Variants in COG3 observed in about 807,000 individuals in gnomAD.
The protein encoded by COG3 is component of oligomeric golgi complex 3, also known as conserved oligomeric Golgi complex subunit 3.
In COG3, 32 loss-of-function variants were observed where a neutral mutation model predicts 114.1. The ratio of observed to expected loss-of-function variants is 0.28; its 90% CI spans 0.21 to 0.38. The LOEUF (loss-of-function observed/expected upper bound fraction) is 0.38, where lower values mean the gene tolerates loss of function less well. Ranked by LOEUF, COG3 falls within the 10% of genes least tolerant of loss-of-function variation. COG3 has a pLI of 1.00. For synonymous variants in COG3, 352 were observed against 365.7 expected (o/e 0.96, Z 0.43); for missense variants, 813 against 973.2 (o/e 0.84, Z 2.19).
At chr13:45,527,191 G>A (rs765617299) in intron 20 of COG3, among the ~76,000 whole-genome samples, 7 of 152,186 alleles carry the variant, frequency 4.6e-5, no homozygotes, top group Non-Finnish European at 5.9e-5. Context: ...AGGATTCAAA[G>A]TGTTAGATGT....
intron 14 of COG3, among the ~76,000 whole-genome samples, chr13:45,504,665 G>T (rs923372287): frequency 1.3e-5 from 2 of 152,158 alleles, no homozygotes; most frequent in Admixed American, 1.3e-4. Context: ...GTTTGAATCA[G>T]TAGAATTTGA....
intron 16 of COG3, among the ~76,000 whole-genome samples, chr13:45,514,239 C>T (rs1024147675): frequency 7.1e-6 from 1 of 141,374 alleles, no homozygotes; most frequent in Non-Finnish European, 1.5e-5. Context: ...CAGCTCACTG[C>T]AACCTCCACC....
At chr13:45,502,912 T>C (rs2137859408) in intron 13 of COG3, among the ~76,000 whole-genome samples, 1 of 152,298 alleles carries the variant, frequency 6.6e-6, no homozygotes, top group Non-Finnish European at 1.5e-5. Flanking sequence ...TGCAAATTAG[T>C]GGGATTTTCA....
At chr13:45,508,835 T>TG (rs1870535838) in intron 14 of COG3, among the ~76,000 whole-genome samples, 1 of 152,094 alleles carries the variant, frequency 6.6e-6, no homozygotes, top group African/African-American at 2.4e-5. Context: ...TTCCCAGTGG[T>TG]GGGGGGAAGC....
In COG3 at chr13:45,508,369, ATT is replaced by A. The variant is rs1310758419; in HGVS notation, c.1595-1318_1595-1317del. Among the ~76,000 whole-genome samples, 24 of 136,806 alleles carry A rather than the reference ATT, an allele frequency of 1.8e-4. No individual in the cohort carries two copies. In the South Asian group the frequency reaches 5.1e-3, roughly 29 times the overall value. 89.8% of individuals were successfully genotyped at this position (136,806 alleles called of 152,430 possible). ...ACTTGGATTCAAGACTTAACATTTT[ATT>A]TTTTATATATATTTTTATATATATA... is the stretch of plus-strand genomic sequence containing the variant. On this transcript the variant is annotated intron_variant, in intron 14 of 22. Coordinates refer to ENST00000349995, the MANE Select transcript of COG3 (RefSeq NM_031431.4).
At chr13:45,526,733 T>C (rs970464298) in intron 20 of COG3, among the ~76,000 whole-genome samples, 11 of 152,244 alleles carry the variant, frequency 7.2e-5, no homozygotes, top group African/African-American at 2.7e-4. Flanking sequence ...GACATCTTAC[T>C]ACAAAAGCAC....
At chr13:45,507,044 C>T (rs1232863956) in intron 14 of COG3, among the ~76,000 whole-genome samples, 1 of 152,150 alleles carries the variant, frequency 6.6e-6, no homozygotes, top group Non-Finnish European at 1.5e-5. Flanking sequence ...CTGCTCTGCT[C>T]CTCAGGAGTG....
At position 45,486,496 on chromosome 13, in the gene COG3, A is replaced by G. The variant is rs369950935; in HGVS notation, c.845A>G (p.Asp282Gly). The change falls in exon 8 of 23, where the codon GAT becomes GGT. Residue 282 changes from aspartate to glycine, a missense_variant and splice_region_variant. This residue lies in a region of COG3 where 424 missense variants were observed against 430.6 expected (regional missense o/e 0.98). Coordinates refer to ENST00000349995, the MANE Select transcript of COG3 (RefSeq NM_031431.4). ...QTLTSQLLKR[D>G]PSSVPNADNA... is the part of the protein sequence containing the mutation. The stretch of plus-strand genomic sequence containing the variant: ...TTATCCTCCCCCATGTTTCTTTAGG[A>G]TCCTTCATCTGTACCTAATGCAGAC... 8 of 1,591,574 alleles carry G rather than the reference A, an allele frequency of 5.0e-6. No individual in the cohort carries two copies. Among genetic ancestry groups the G allele is most frequent in the Middle Eastern group, 3.3e-4 (2 of 6,032 alleles).
chr13:45,492,888 G>A (rs537961257), intron 11 of COG3, among the ~76,000 whole-genome samples: 1 of 152,156 alleles, frequency 6.6e-6, no homozygotes, highest in South Asian at 2.1e-4. Context: ...AAAATACTTG[G>A]CGTATGACCA....
At chr13:45,522,720 T>G (rs1477365695) in intron 19 of COG3, among the ~76,000 whole-genome samples, 1 of 152,246 alleles carries the variant, frequency 6.6e-6, no homozygotes, top group African/African-American at 2.4e-5. Context: ...CCTGAGGGAA[T>G]GTAATGCTAT....
chr13:45,473,342 G>A (rs972136269), intron 1 of COG3, among the ~76,000 whole-genome samples: 13 of 152,054 alleles, frequency 8.5e-5, no homozygotes, highest in African/African-American at 4.8e-5. Context: ...TGGATTATTT[G>A]GCTTTTTGTT....
chr13:45,534,825 GAA>G lies in COG3; in HGVS notation c.*95_*96del. 3.5e-6 allele frequency: 5 copies of G among 1,439,796 alleles called. No homozygotes were observed. The highest frequency in any genetic ancestry group is 1.5e-5 in the South Asian group (1 of 65,846). The allele number at this position is 1,439,796 out of a possible 1,614,324, so 89.2% of individuals were successfully genotyped here. ...CAGGACACCGAGGAATCGTATGTGG[GAA>G]CGTCCCCGAGAACCACACGAGCGTG... On this transcript the variant is annotated 3_prime_UTR_variant, in exon 23 of 23. Coordinates refer to ENST00000349995, the MANE Select transcript of COG3 (RefSeq NM_031431.4).
Position 45,535,439 on chromosome 13 carries a change from T to C in COG3, c.*708T>C, listed in dbSNP as rs1363866868. ...ATTCTCATCATAGATACGTGCAGTA[T>C]CTTTAATGAGTATCTTCATGGTATG... is the stretch of plus-strand genomic sequence containing the variant. On this transcript the variant is annotated 3_prime_UTR_variant, in exon 23 of 23. Coordinates refer to ENST00000349995, the MANE Select transcript of COG3 (RefSeq NM_031431.4). 4 of 985,312 alleles carry C rather than the reference T, an allele frequency of 4.1e-6. No individual in the cohort carries two copies. The African/African-American group carries it at 7.0e-5, about 17-fold the overall frequency. 61.0% of individuals were successfully genotyped at this position (985,312 alleles called of 1,614,324 possible).
At chr13:45,519,368 G>A (rs1257018162) in intron 19 of COG3, among the ~76,000 whole-genome samples, 2 of 152,134 alleles carry the variant, frequency 1.3e-5, no homozygotes, top group East Asian at 1.9e-4. Context: ...CTGTTTATCC[G>A]CCTTGTAGGT....
intron 13 of COG3, among the ~76,000 whole-genome samples, chr13:45,500,928 C>G (rs901178640): frequency 2.6e-5 from 4 of 152,178 alleles, no homozygotes; most frequent in African/African-American, 9.6e-5. Context: ...GCTTTTTATA[C>G]AATGCCCCTT....
chr13:45,482,048 A>G (rs974881847), intron 5 of COG3, among the ~76,000 whole-genome samples: 1 of 152,132 alleles, frequency 6.6e-6, no homozygotes, highest in African/African-American at 2.4e-5. Flanking sequence ...AAAATTATGT[A>G]TATTGTATAC....
chr13:45,486,252 TAC>T (rs1337630941), intron 7 of COG3, among the ~76,000 whole-genome samples: 6 of 142,486 alleles, frequency 4.2e-5, no homozygotes, highest in African/African-American at 1.8e-4. Flanking sequence ...ATGGCAGCAG[TAC>T]AGTCCAGCTT....
At chr13:45,522,820 G>A (rs113924975) in intron 19 of COG3, among the ~76,000 whole-genome samples, 67 of 152,146 alleles carry the variant, frequency 4.4e-4, no homozygotes, top group African/African-American at 1.4e-3. Context: ...CTTTTTTATC[G>A]TTCTAGAATT....
At chr13:45,486,385 G>C in intron 7 of COG3, 110 bp from the exon 8 acceptor site, 1 of 600,978 alleles carries the variant, frequency 1.7e-6, no homozygotes, top group South Asian at 1.8e-5. Context: ...CCTAAGCTTT[G>C]ATTGGTATGC....
Sources: allele counts gnomAD v4.1 joint callset (sites outside exome capture counted in the v4.1 genomes callset), GRCh38; gene constraint gnomAD v4.1.1; regional missense constraint gnomAD v4.1.1; transcripts MANE v1.5; gene names NCBI Gene and HGNC (gene_info 2026-07-23, HGNC 2026-07-21).